The following WASHC3 variants were observed in gnomAD, a reference collection of about 807,000 sequenced individuals.
WASHC3 encodes the protein WASH complex subunit CCDC53.
A neutral mutation model predicts 26.1 loss-of-function variants in WASHC3; 24 were observed. That is an observed-to-expected ratio of 0.92 (90% CI 0.66 to 1.29). The LOEUF is 1.29. WASHC3 is among the 50% of genes most tolerant of loss of function. The pLI, the probability that WASHC3 is intolerant of heterozygous loss-of-function variation, is 0.00. For synonymous variants in WASHC3, 77 were observed against 75.7 expected (o/e 1.02, Z -0.09); for missense variants, 214 against 229.6 (o/e 0.93, Z 0.44).
At chr12:102,018,165 TA>T (rs1447327125) in intron 6 of WASHC3, among the ~76,000 whole-genome samples, 1 of 152,228 alleles carries the variant, frequency 6.6e-6, no homozygotes, top group Admixed American at 6.5e-5. Context: ...GGCTGAGTAA[TA>T]TTCCACCGTA....
At chr12:102,023,463 G>A (rs188150199) in intron 6 of WASHC3, among the ~76,000 whole-genome samples, 38 of 152,284 alleles carry the variant, frequency 2.5e-4, no homozygotes, top group African/African-American at 9.1e-4. Context: ...GTTCTTGGCT[G>A]AGGCTTAAAA....
At chr12:102,013,404 T>C (rs1043121476) in intron 6 of WASHC3, among the ~76,000 whole-genome samples, 2 of 152,168 alleles carry the variant, frequency 1.3e-5, no homozygotes, top group Non-Finnish European at 2.9e-5. Flanking sequence ...CGCGACAGTA[T>C]TTTCTCTTGC....
intron 5 of WASHC3, among the ~76,000 whole-genome samples, chr12:102,027,032 T>C (rs1437202031): frequency 6.6e-6 from 1 of 152,226 alleles, no homozygotes; most frequent in Non-Finnish European, 1.5e-5. Context: ...GTGATGTTCA[T>C]TTTTTAACTT....
chr12:102,053,054 C>T (rs1230812027), intron 2 of WASHC3, among the ~76,000 whole-genome samples: 1 of 151,970 alleles, frequency 6.6e-6, no homozygotes, highest in Non-Finnish European at 1.5e-5. Context: ...AGATTGGCCC[C>T]CATGGACGGA....
At chr12:102,050,797 T>A (rs1359921494) in intron 2 of WASHC3, among the ~76,000 whole-genome samples, 5 of 152,254 alleles carry the variant, frequency 3.3e-5, no homozygotes, top group Non-Finnish European at 7.3e-5. Context: ...AGAGCTTATG[T>A]TGCTTCCTGC....
At chr12:102,061,510 C>T (rs1878809987) in intron 1 of WASHC3, among the ~76,000 whole-genome samples, 164 bp from the exon 2 acceptor site, 1 of 152,082 alleles carries the variant, frequency 6.6e-6, no homozygotes, top group Non-Finnish European at 1.5e-5. Flanking sequence ...GTGGGGTGTC[C>T]GAAGATGACA....
intron 2 of WASHC3, among the ~76,000 whole-genome samples, chr12:102,051,717 T>C (rs1878400182): frequency 6.6e-6 from 1 of 152,236 alleles, no homozygotes; most frequent in African/African-American, 2.4e-5. Flanking sequence ...ACTGGGGGCA[T>C]GCAAAGATAT....
At chr12:102,028,977 A>G (rs994663227) in intron 5 of WASHC3, among the ~76,000 whole-genome samples, 1 of 152,132 alleles carries the variant, frequency 6.6e-6, no homozygotes, top group African/African-American at 2.4e-5. Context: ...CATATGGGTA[A>G]AGAAAAATAT....
At chr12:102,051,638 T>TA (rs1878397952) in intron 2 of WASHC3, among the ~76,000 whole-genome samples, 2 of 152,228 alleles carry the variant, frequency 1.3e-5, no homozygotes, top group Non-Finnish European at 2.9e-5. Context: ...CTTTTCCAGT[T>TA]AAAAAATCAG....
chr12:102,029,733 T>G (rs189018584), intron 5 of WASHC3, among the ~76,000 whole-genome samples: 27 of 152,212 alleles, frequency 1.8e-4, no homozygotes, highest in African/African-American at 6.5e-4. Context: ...TTTAAGAGTG[T>G]GAATTGTAAC....
At chr12:102,023,246 C>T (rs1877029742) in intron 6 of WASHC3, among the ~76,000 whole-genome samples, 1 of 152,024 alleles carries the variant, frequency 6.6e-6, no homozygotes, top group South Asian at 2.1e-4. Context: ...CAATTTTATA[C>T]ACATAAGCCA....
Position 102,060,936 on chromosome 12 carries a change from CAG to C in WASHC3, c.150+310_150+311del, listed in dbSNP as rs371262148. Among the ~76,000 whole-genome samples, 416 of 112,908 alleles carry C rather than the reference CAG, an allele frequency of 3.7e-3. 1 individual carries two copies. Among genetic ancestry groups the C allele is most frequent in the African/African-American group, 0.015 (410 of 27,302 alleles). The allele number at this position is 112,908 out of a possible 152,430, so 74.1% of individuals were successfully genotyped here. Reference sequence around the variant, plus strand: ...CGCCACTGCACTGTAGCTTGGGTGACAGAGTGAGACCCTGTCTCACAAAAAAA... The same window carrying C: ...CGCCACTGCACTGTAGCTTGGGTGACAGTGAGACCCTGTCTCACAAAAAAA... On this transcript the variant is annotated intron_variant, in intron 2 of 6. Coordinates refer to ENST00000240079, the MANE Select transcript of WASHC3 (RefSeq NM_016053.4).
intron 5 of WASHC3, among the ~76,000 whole-genome samples, chr12:102,031,111 C>T (rs544131362): frequency 2.0e-5 from 3 of 152,316 alleles, no homozygotes; most frequent in East Asian, 3.9e-4. Flanking sequence ...ATCTGTAAAA[C>T]TGGCATAATC....
chr12:102,042,771 G>A (rs76495194), intron 4 of WASHC3, among the ~76,000 whole-genome samples: 4,561 of 152,126 alleles, frequency 0.03, 279 homozygotes, highest in East Asian at 0.28. Context: ...AGTGCCTCCA[G>A]GTACAAAGGC....
chr12:102,034,601 C>G (rs1221547078), intron 5 of WASHC3, among the ~76,000 whole-genome samples: 1 of 151,930 alleles, frequency 6.6e-6, no homozygotes, highest in Admixed American at 6.6e-5. Flanking sequence ...GACATAATAC[C>G]CACAGGTATG....
chr12:102,060,380 A>T (rs1485236523), intron 2 of WASHC3, among the ~76,000 whole-genome samples: 1 of 152,178 alleles, frequency 6.6e-6, no homozygotes, highest in African/African-American at 2.4e-5. Flanking sequence ...CCCGGGCGCA[A>T]GTGATCCTCC....
At chr12:102,022,855 A>C (rs939384408) in intron 6 of WASHC3, among the ~76,000 whole-genome samples, 2 of 152,154 alleles carry the variant, frequency 1.3e-5, no homozygotes, top group African/African-American at 4.8e-5. Context: ...TACCCATTCT[A>C]TATTTCTGAA....
intron 5 of WASHC3, among the ~76,000 whole-genome samples, chr12:102,038,954 T>A (rs1412777850): frequency 6.6e-6 from 1 of 151,710 alleles, no homozygotes; most frequent in Non-Finnish European, 1.5e-5. Flanking sequence ...AGCATTATTA[T>A]TATTATTATT....
At chr12:102,020,817 C>G (rs941873499) in intron 6 of WASHC3, among the ~76,000 whole-genome samples, 28 of 152,180 alleles carry the variant, frequency 1.8e-4, no homozygotes, top group African/African-American at 6.3e-4. Context: ...CGTGGTGGCT[C>G]ACACCTGTAA....
Sources: allele counts gnomAD v4.1 joint callset (sites outside exome capture counted in the v4.1 genomes callset), GRCh38; gene constraint gnomAD v4.1.1; transcripts MANE v1.5; gene names NCBI Gene and HGNC (gene_info 2026-07-23, HGNC 2026-07-21).